NDUFAF2: variants seen among roughly 807,000 people sequenced by gnomAD.
NDUFAF2 encodes the protein NADH dehydrogenase [ubiquinone] 1 alpha subcomplex assembly factor 2.
Under a neutral mutation model 22.8 loss-of-function variants are expected in NDUFAF2, and 13 were observed. The observed-to-expected ratio is 0.57, with a 90% confidence interval of 0.37 to 0.91. The LOEUF is 0.91. NDUFAF2 is among the 40% of genes least tolerant of loss of function. The pLI is 0.01. For missense variants in NDUFAF2, 162 were observed against 195.2 expected (o/e 0.83, Z 1.01); for synonymous variants, 53 against 64.2 (o/e 0.83, Z 0.84).
chr5:61,033,343 T>C (rs1751752737), intron 1 of NDUFAF2, among the ~76,000 whole-genome samples: 1 of 152,162 alleles, frequency 6.6e-6, no homozygotes, highest in Non-Finnish European at 1.5e-5. Context: ...ATGTGAAATT[T>C]TTTATGCCAT....
chr5:60,947,006 C>T (rs774054490), intron 1 of NDUFAF2, among the ~76,000 whole-genome samples: 5 of 152,086 alleles, frequency 3.3e-5, no homozygotes, highest in Non-Finnish European at 5.9e-5. Flanking sequence ...ATGGGTTTGC[C>T]AGTTTATCTG....
At chr5:61,071,677 A>T (rs1400266223) in intron 1 of NDUFAF2, among the ~76,000 whole-genome samples, 1 of 152,116 alleles carries the variant, frequency 6.6e-6, no homozygotes, top group Non-Finnish European at 1.5e-5. Flanking sequence ...TAAGGTCCAA[A>T]TTTCTCTCCC....
At chr5:61,068,449 T>G (rs1424647516) in intron 1 of NDUFAF2, among the ~76,000 whole-genome samples, 1 of 152,118 alleles carries the variant, frequency 6.6e-6, no homozygotes, top group Non-Finnish European at 1.5e-5. Flanking sequence ...AACCTTTATA[T>G]TTTCCATGTG....
intron 1 of NDUFAF2, among the ~76,000 whole-genome samples, chr5:60,958,288 C>G (rs1244563550): frequency 6.6e-6 from 1 of 152,242 alleles, no homozygotes; most frequent in Non-Finnish European, 1.5e-5. Flanking sequence ...TGTATCTCCT[C>G]TCATATATTC....
At chr5:61,105,988 G>A (rs950110941) in intron 3 of NDUFAF2, among the ~76,000 whole-genome samples, 1 of 151,438 alleles carries the variant, frequency 6.6e-6, no homozygotes, top group Non-Finnish European at 1.5e-5. Context: ...GTAACTGGCA[G>A]TGCCAGAAAA....
chr5:61,069,284 A>G (rs941112363), intron 1 of NDUFAF2, among the ~76,000 whole-genome samples: 3 of 152,168 alleles, frequency 2.0e-5, no homozygotes, highest in Admixed American at 1.3e-4. Context: ...ACCTGTCCAT[A>G]GGAGTTTCCT....
intron 1 of NDUFAF2, among the ~76,000 whole-genome samples, chr5:60,980,118 C>T (rs373215720): frequency 3.3e-5 from 5 of 152,238 alleles, no homozygotes; most frequent in East Asian, 3.9e-4. Flanking sequence ...CAGATATTAC[C>T]GCAATGACCA....
intron 2 of NDUFAF2, among the ~76,000 whole-genome samples, chr5:61,082,560 C>A (rs1752456227): frequency 6.6e-6 from 1 of 152,072 alleles, no homozygotes. Flanking sequence ...TCTGTTGTTC[C>A]CATTTTTATG....
Position 60,960,404 on chromosome 5 carries a change from A to G in NDUFAF2, c.127+15022A>G, listed in dbSNP as rs536580700. On this transcript the variant is annotated intron_variant, in intron 1 of 3. Transcript: ENST00000296597. ...GTTGATTTGTCAATATCACGTAGCTATGAAACTCAATTTGCATTCTTTTTG... is the reference window on the plus strand; with the variant it reads ...GTTGATTTGTCAATATCACGTAGCTGTGAAACTCAATTTGCATTCTTTTTG... 3.9e-5 allele frequency among the ~76,000 whole-genome samples: 6 copies of G among 152,338 alleles called. No homozygotes were observed. The South Asian group carries it at 1.2e-3, about 32-fold the overall frequency.
chr5:61,122,144 C>T (rs911050333), intron 3 of NDUFAF2, among the ~76,000 whole-genome samples: 1 of 152,050 alleles, frequency 6.6e-6, no homozygotes, highest in African/African-American at 2.4e-5. Context: ...AGACTGCTTT[C>T]TGATTTCAAC....
chr5:60,981,294 T>G (rs1301825393), intron 1 of NDUFAF2, among the ~76,000 whole-genome samples: 2 of 152,106 alleles, frequency 1.3e-5, no homozygotes, highest in Non-Finnish European at 2.9e-5. Context: ...ATATTTAACA[T>G]GCTGAAAGAA....
intron 1 of NDUFAF2, among the ~76,000 whole-genome samples, chr5:61,032,790 C>T (rs900267895): frequency 2.6e-5 from 4 of 152,116 alleles, no homozygotes; most frequent in African/African-American, 9.7e-5. Flanking sequence ...ATGGGGATAG[C>T]ATTGAATCTG....
At chr5:61,103,268 C>T (rs1454167731) in intron 3 of NDUFAF2, among the ~76,000 whole-genome samples, 1 of 152,088 alleles carries the variant, frequency 6.6e-6, no homozygotes, top group Admixed American at 6.6e-5. Context: ...CTACCCTACT[C>T]TTCAAGGAAC....
At chr5:61,118,107 C>T (rs1752935114) in intron 3 of NDUFAF2, among the ~76,000 whole-genome samples, 1 of 152,170 alleles carries the variant, frequency 6.6e-6, no homozygotes, top group Non-Finnish European at 1.5e-5. Context: ...TGCCAGTTCT[C>T]CTTTCTCACT....
At chr5:61,147,327 C>A (rs553024747) in intron 3 of NDUFAF2, among the ~76,000 whole-genome samples, 1 of 151,752 alleles carries the variant, frequency 6.6e-6, no homozygotes, top group East Asian at 1.9e-4. Flanking sequence ...TGGCTCACTG[C>A]AGCTTTGACC....
intron 1 of NDUFAF2, among the ~76,000 whole-genome samples, chr5:60,954,734 C>G (rs1015682767): frequency 1.3e-5 from 2 of 151,704 alleles, no homozygotes; most frequent in African/African-American, 4.8e-5. Flanking sequence ...CATGAGCCAC[C>G]GTGCTCTGCT....
intron 3 of NDUFAF2, among the ~76,000 whole-genome samples, chr5:61,150,728 T>C (rs1173074763): frequency 6.6e-6 from 1 of 152,176 alleles, no homozygotes; most frequent in East Asian, 1.9e-4. Context: ...CTGCTTGAGG[T>C]CGGTTACTAG....
chr5:61,121,904 C>G (rs1167412377), intron 3 of NDUFAF2, among the ~76,000 whole-genome samples: 3 of 150,100 alleles, frequency 2.0e-5, no homozygotes, highest in African/African-American at 7.4e-5. Flanking sequence ...GATCTCAGCT[C>G]ACTGCAACCT....
In NDUFAF2 at chr5:61,150,147, G is replaced by T. The variant is rs192339326; in HGVS notation, c.259-2557G>T. Among the ~76,000 whole-genome samples, 3 of 152,252 alleles carry T rather than the reference G, an allele frequency of 2.0e-5. No individual in the cohort carries two copies. The East Asian group carries it at 5.8e-4, about 29-fold the overall frequency. ...GGGTTTTCCCATGTTGGCCAGGCTGGTGTTGAACTCTTGGCCTCAAGTGAT... is the reference window on the plus strand; with the variant it reads ...GGGTTTTCCCATGTTGGCCAGGCTGTTGTTGAACTCTTGGCCTCAAGTGAT... On this transcript the variant is annotated intron_variant, in intron 3 of 3. Transcript: ENST00000296597.
Sources: allele counts gnomAD v4.1 joint callset (sites outside exome capture counted in the v4.1 genomes callset), GRCh38; gene constraint gnomAD v4.1.1; transcripts MANE v1.5; gene names NCBI Gene and HGNC (gene_info 2026-07-23, HGNC 2026-07-21).